The following LOXHD1 variants were observed in gnomAD, a reference collection of about 807,000 sequenced individuals.
LOXHD1 encodes lipoxygenase homology PLAT domains 1.
In LOXHD1, 205 loss-of-function variants were observed where a neutral mutation model predicts 248.2. The observed-to-expected ratio is 0.83, with a 90% confidence interval of 0.74 to 0.93. The LOEUF is 0.93. Ranked by LOEUF, LOXHD1 falls within the 40% of genes least tolerant of loss-of-function variation. The pLI is 0.00. For synonymous variants in LOXHD1, 1,113 were observed against 1,162.8 expected (o/e 0.96, Z 0.87); for missense variants, 2,930 against 2,971.6 (o/e 0.99, Z 0.33).
rs2037882253 is a variant in LOXHD1 at position 46,577,569 on chromosome 18, G to C, written c.1970+138C>G. Reference sequence around the variant, plus strand: ...GCTCAGGTCTAAGCACCACCAGCGAGGTCACCTCTTTCTTGCACCAGCTAT... The same window carrying C: ...GCTCAGGTCTAAGCACCACCAGCGACGTCACCTCTTTCTTGCACCAGCTAT... On this transcript the variant is annotated intron_variant, in intron 14 of 40. Transcript: ENST00000642948. 7.7e-6 allele frequency: 7 copies of C among 910,612 alleles called. No homozygotes were observed. In the African/African-American group the frequency reaches 8.3e-5, roughly 11 times the overall value. The allele number at this position is 910,612 out of a possible 1,614,324, so 56.4% of individuals were successfully genotyped here.
rs144543819 is a variant in LOXHD1, at chr18:46,477,348, T to G, written c.*124A>C. The G allele has an allele frequency of 3.0e-6, 4 of 1,349,530 alleles. No homozygotes were observed. The highest frequency in any genetic ancestry group is 4.1e-6 in the Non-Finnish European group (4 of 969,758). 83.6% of individuals were successfully genotyped at this position (1,349,530 alleles called of 1,614,324 possible). ...GGGTGGGGAGCAGGACCCCATGAAGTTCTCAGTGGACTGCTAGCCCCCAGT... is the reference window on the plus strand; with the variant it reads ...GGGTGGGGAGCAGGACCCCATGAAGGTCTCAGTGGACTGCTAGCCCCCAGT... On this transcript the variant is annotated 3_prime_UTR_variant, in exon 41 of 41. Transcript: ENST00000642948.
Position 46,639,651 on chromosome 18 carries a change from AGGTCACGGCACCACTGGC to A in LOXHD1, c.458_475del (p.Arg153_Asp158del). 6.4e-7 allele frequency: 1 copy of A among 1,551,746 alleles called. No homozygotes were observed. The highest frequency in any genetic ancestry group is 8.7e-7 in the Non-Finnish European group (1 of 1,146,986). ...GTCCATGGGGTTGAAGCTGGCCAGCAGGTCACGGCACCACTGGCGGTCACCTTCCACCTTGCTCAGCCA... is the reference window on the plus strand; with the variant it reads ...GTCCATGGGGTTGAAGCTGGCCAGCAGGTCACCTTCCACCTTGCTCAGCCA... On this transcript the variant is annotated inframe_deletion, in exon 4 of 41. Coordinates refer to ENST00000642948, the MANE Select transcript of LOXHD1 (RefSeq NM_001384474.1).
chr18:46,611,931 A>G (rs1395861537), intron 5 of LOXHD1, among the ~76,000 whole-genome samples: 3 of 152,134 alleles, frequency 2.0e-5, no homozygotes, highest in Non-Finnish European at 4.4e-5. Flanking sequence ...CTGAAGTGTG[A>G]TAGTCACTAT....
At chr18:46,604,587 C>T (rs1278154657) in intron 6 of LOXHD1, among the ~76,000 whole-genome samples, 3 of 152,202 alleles carry the variant, frequency 2.0e-5, no homozygotes, top group Non-Finnish European at 2.9e-5. Context: ...CCATCACTGT[C>T]CTCACAGGCT....
chr18:46,611,609 C>T (rs2038509515), intron 5 of LOXHD1, among the ~76,000 whole-genome samples: 1 of 152,094 alleles, frequency 6.6e-6, no homozygotes, highest in African/African-American at 2.4e-5. Flanking sequence ...TTGCTGAAAC[C>T]ATCCTGTGTT....
chr18:46,560,048 T>TCCCACCCCCCC, intron 19 of LOXHD1, 35 bp downstream of exon 19: 4 of 1,226,298 alleles, frequency 3.3e-6, no homozygotes, highest in Non-Finnish European at 4.5e-6. Context: ...GTCTGGCCAC[T>TCCCACCCCCCC]CCCTCCCCAC....
At chr18:46,619,748 C>A (rs1035661219) in intron 4 of LOXHD1, among the ~76,000 whole-genome samples, 1 of 152,208 alleles carries the variant, frequency 6.6e-6, no homozygotes, top group Non-Finnish European at 1.5e-5. Context: ...CCACACACAG[C>A]CCCTGAAAGT....
chr18:46,637,010 G>C (rs2038900936), intron 4 of LOXHD1, among the ~76,000 whole-genome samples: 1 of 152,106 alleles, frequency 6.6e-6, no homozygotes, highest in South Asian at 2.1e-4. Flanking sequence ...GCCGGGTGTG[G>C]TGGTGTACAC....
intron 14 of LOXHD1, 120 bp from the exon 15 acceptor site, chr18:46,572,282 G>A (rs2037767666): frequency 3.5e-6 from 3 of 855,350 alleles, no homozygotes; most frequent in Non-Finnish European, 5.8e-6. Context: ...AAAGTGAAAT[G>A]ATTCTATGGG....
At chr18:46,626,641 C>T (rs576200978) in intron 4 of LOXHD1, among the ~76,000 whole-genome samples, 1 of 152,140 alleles carries the variant, frequency 6.6e-6, no homozygotes, top group South Asian at 2.1e-4. Context: ...AATGCAATAC[C>T]ATTTTAATAT....
chr18:46,512,148 T>C (rs1598885290), intron 34 of LOXHD1, among the ~76,000 whole-genome samples: 3 of 152,152 alleles, frequency 2.0e-5, no homozygotes, highest in Admixed American at 6.5e-5. Flanking sequence ...AACATAGACA[T>C]AAACATTGCC....
At chr18:46,557,304 C>A (rs1369092549) in intron 21 of LOXHD1, 52 bp downstream of exon 21, 13 of 1,550,280 alleles carry the variant, frequency 8.4e-6, no homozygotes, top group Non-Finnish European at 1.0e-5. Context: ...CTGTGGCAGA[C>A]ATGGCCTCCC....
intron 28 of LOXHD1, 111 bp downstream of exon 28, chr18:46,533,051 A>G: frequency 1.7e-6 from 2 of 1,210,254 alleles, no homozygotes; most frequent in Non-Finnish European, 2.3e-6. Context: ...GGAGGTAACA[A>G]CAGACCCTAC....
intron 39 of LOXHD1, among the ~76,000 whole-genome samples, chr18:46,484,046 A>G (rs1186449319): frequency 1.3e-5 from 2 of 152,122 alleles, no homozygotes; most frequent in African/African-American, 4.8e-5. Context: ...GGGGAAGGGA[A>G]GAGTCCCCTG....
At chr18:46,622,075 A>G (rs2038675937) in intron 4 of LOXHD1, among the ~76,000 whole-genome samples, 1 of 152,206 alleles carries the variant, frequency 6.6e-6, no homozygotes, top group African/African-American at 2.4e-5. Flanking sequence ...ATGATGCAAG[A>G]AGGGCTCAAA....
intron 38 of LOXHD1, among the ~76,000 whole-genome samples, chr18:46,487,981 C>T (rs1451056245): frequency 6.6e-6 from 1 of 152,118 alleles, no homozygotes; most frequent in East Asian, 1.9e-4. Context: ...ATTGGGACTA[C>T]CAAAGGAGGG....
At chr18:46,547,993 T>C (rs1344097852) in intron 21 of LOXHD1, among the ~76,000 whole-genome samples, 1 of 152,202 alleles carries the variant, frequency 6.6e-6, no homozygotes, top group East Asian at 1.9e-4. Context: ...TCATAGGGTG[T>C]TGTGAGGATT....
intron 4 of LOXHD1, among the ~76,000 whole-genome samples, chr18:46,629,790 A>T: frequency 7.2e-6 from 1 of 138,162 alleles, no homozygotes; most frequent in East Asian, 2.0e-4. Flanking sequence ...CTCACTGGGC[A>T]TTAAAAAAAA....
At chr18:46,650,189 A>C (rs2039090699) in intron 1 of LOXHD1, among the ~76,000 whole-genome samples, 1 of 152,168 alleles carries the variant, frequency 6.6e-6, no homozygotes, top group African/African-American at 2.4e-5. Context: ...CCTTGTCCCC[A>C]GCTCATTCCA....
Sources: gnomAD v4.1 joint callset for allele counts (sites outside exome capture counted in the v4.1 genomes callset) on GRCh38, gnomAD v4.1.1 for gene constraint, MANE v1.5 for transcripts, NCBI Gene and HGNC (gene_info 2026-07-23, HGNC 2026-07-21) for gene names.